The following RBMS3 variants were observed in gnomAD, a reference collection of about 807,000 sequenced individuals.
RBMS3 encodes the protein RNA-binding motif, single-stranded-interacting protein 3.
A neutral mutation model predicts 66.8 loss-of-function variants in RBMS3; 27 were observed. That is an observed-to-expected ratio of 0.40 (90% CI 0.30 to 0.56). The LOEUF (loss-of-function observed/expected upper bound fraction) is 0.56, where lower values mean the gene tolerates loss of function less well. RBMS3 is among the 20% of genes least tolerant of loss of function. RBMS3 has a pLI of 0.40. For synonymous variants in RBMS3, 188 were observed against 183.0 expected, an observed-to-expected ratio of 1.03 and a Z score of -0.22; for missense variants, 513 against 549.5, an observed-to-expected ratio of 0.93 and a Z score of 0.66.
At chr3:29,384,980 T>TATGATCTTATAACTCCTAAGTTA (rs1257019561) in intron 1 of RBMS3, among the ~76,000 whole-genome samples, 96 of 152,238 alleles carry the variant, frequency 6.3e-4, no homozygotes, top group African/African-American at 2.3e-3. Context: ...ACTCCTGAGG[T>TATGATCTTATAACTCCTAAGTTA]TAAAAAAGAA....
At chr3:29,547,167 A>G (rs1161985336) in intron 3 of RBMS3, among the ~76,000 whole-genome samples, 2 of 151,926 alleles carry the variant, frequency 1.3e-5, no homozygotes, top group Non-Finnish European at 2.9e-5. Flanking sequence ...GTCTGGCAAC[A>G]TTGTCCAGGC....
At chr3:29,635,727 A>G (rs376418536) in intron 4 of RBMS3, among the ~76,000 whole-genome samples, 2 of 151,918 alleles carry the variant, frequency 1.3e-5, no homozygotes, top group African/African-American at 4.8e-5. Context: ...ATATTGATCA[A>G]GATACACGTT....
intron 4 of RBMS3, chr3:29,698,415 A>G: frequency 1.0e-6 from 1 of 985,386 alleles, no homozygotes; most frequent in Non-Finnish European, 1.2e-6. Context: ...TAGCCAGGAT[A>G]TCACAGACAT....
intron 3 of RBMS3, among the ~76,000 whole-genome samples, chr3:29,537,833 A>G (rs1223648195): frequency 6.6e-6 from 1 of 151,470 alleles, no homozygotes; most frequent in Non-Finnish European, 1.5e-5. Flanking sequence ...AAAAAAAAAA[A>G]AAAAAAGAAA....
In RBMS3 at chr3:29,630,818, G is replaced by A. The variant is rs369821560; in HGVS notation, c.399+43613G>A. 3.3e-5 allele frequency among the ~76,000 whole-genome samples: 5 copies of A among 152,018 alleles called. No homozygotes were observed. The East Asian group carries it at 7.7e-4, about 24-fold the overall frequency. ...TGCTTTTTAGAAAATGTTTAAGTTGGTCAAACAAGTAATGATTCATTTTAG... is the reference window on the plus strand; with the variant it reads ...TGCTTTTTAGAAAATGTTTAAGTTGATCAAACAAGTAATGATTCATTTTAG... On this transcript the variant is annotated intron_variant, in intron 4 of 14. Transcript: ENST00000383767.
intron 4 of RBMS3, among the ~76,000 whole-genome samples, chr3:29,681,614 C>G (rs986530761): frequency 1.3e-5 from 2 of 151,490 alleles, no homozygotes; most frequent in Non-Finnish European, 2.9e-5. Flanking sequence ...GTTTGGTTTT[C>G]TGTTCCCGCG....
chr3:29,644,080 G>A (rs2049828460), intron 4 of RBMS3, among the ~76,000 whole-genome samples: 1 of 152,134 alleles, frequency 6.6e-6, no homozygotes, highest in Non-Finnish European at 1.5e-5. Context: ...TCACAGCTTG[G>A]TTAGTCTGAA....
chr3:29,540,318 A>T (rs2045711101), intron 3 of RBMS3, among the ~76,000 whole-genome samples: 1 of 152,174 alleles, frequency 6.6e-6, no homozygotes. Flanking sequence ...TTTTATTTTT[A>T]AAATTTGTTT....
chr3:29,573,484 T>G (rs1423561160), intron 3 of RBMS3, among the ~76,000 whole-genome samples: 1 of 152,150 alleles, frequency 6.6e-6, no homozygotes, highest in Admixed American at 6.5e-5. Flanking sequence ...TTAGTCTGGC[T>G]AAAAGTTTGC....
At chr3:29,794,628 G>C (rs533153222) in intron 6 of RBMS3, among the ~76,000 whole-genome samples, 7 of 152,004 alleles carry the variant, frequency 4.6e-5, no homozygotes, top group Non-Finnish European at 5.9e-5. Flanking sequence ...CACATGATAT[G>C]GGCCTTGAAT....
chr3:29,989,565 G>A (rs1481812088), intron 13 of RBMS3, among the ~76,000 whole-genome samples: 5 of 152,060 alleles, frequency 3.3e-5, no homozygotes, highest in South Asian at 4.2e-4. Flanking sequence ...AAACCTTTAC[G>A]GACTAAATTG....
intron 3 of RBMS3, among the ~76,000 whole-genome samples, chr3:29,550,429 G>T (rs1237612665): frequency 2.6e-5 from 4 of 152,030 alleles, no homozygotes; most frequent in Non-Finnish European, 5.9e-5. Context: ...TATATAAAAA[G>T]TATTCATTGC....
Position 29,434,815 on chromosome 3 carries a change from A to G in RBMS3, c.148A>G (p.Ser50Gly). Residue 50 changes from serine (S) to glycine (G), a missense_variant, in exon 2 of 15, where the codon AGC becomes GGC. Coordinates refer to ENST00000383767, the MANE Select transcript of RBMS3 (RefSeq NM_001003793.3). ...PSTNSSSNNS[S>G]NNSSGEQLSK... ...CACAAACAGCAGCAGCAACAACAGC[A>G]GCAACAACAGCAGCGGGGAACAGTT... 6.2e-7 allele frequency: 1 copy of G among 1,614,138 alleles called. No individual in the cohort carries two copies. Among genetic ancestry groups the G allele is most frequent in the Non-Finnish European group, 8.5e-7 (1 of 1,180,024 alleles).
chr3:29,638,235 T>A (rs2149190231), intron 4 of RBMS3, among the ~76,000 whole-genome samples: 1 of 151,524 alleles, frequency 6.6e-6, no homozygotes, highest in Middle Eastern at 3.4e-3. Flanking sequence ...TGTAGTAATT[T>A]TTTTTTTTTA....
chr3:29,586,277 G>A (rs1005205534), intron 3 of RBMS3, among the ~76,000 whole-genome samples: 6 of 152,028 alleles, frequency 3.9e-5, no homozygotes, highest in African/African-American at 1.4e-4. Flanking sequence ...CTATTAGCTA[G>A]CTTAAGGACA....
intron 1 of RBMS3, among the ~76,000 whole-genome samples, chr3:29,423,727 T>C (rs77452728): frequency 0.11 from 16,402 of 152,282 alleles, 1,205 homozygotes; most frequent in East Asian, 0.29. Flanking sequence ...GAAATGTAAC[T>C]AGCGCAACTG....
Position 29,524,645 on chromosome 3 carries a change from T to C in RBMS3, c.307+36146T>C, listed in dbSNP as rs369507811. Among the ~76,000 whole-genome samples, 9 of 151,728 alleles carry C rather than the reference T, an allele frequency of 5.9e-5. No individual in the cohort carries two copies. The South Asian group carries it at 1.7e-3, about 28-fold the overall frequency. ...TTTTAGTAGAGGCAGGGTTTCGCAATGTTGGCCAGGCTGGTCTTGAACTCC... is the reference window on the plus strand; with the variant it reads ...TTTTAGTAGAGGCAGGGTTTCGCAACGTTGGCCAGGCTGGTCTTGAACTCC... On this transcript the variant is annotated intron_variant, in intron 3 of 14. Transcript: ENST00000383767.
intron 2 of RBMS3, among the ~76,000 whole-genome samples, chr3:29,473,859 G>A (rs2042852835): frequency 6.6e-6 from 1 of 152,240 alleles, no homozygotes; most frequent in African/African-American, 2.4e-5. Flanking sequence ...GCCGCGCGCA[G>A]CCCCGGTTCC....
chr3:29,530,827 G>A (rs1023071703), intron 3 of RBMS3, among the ~76,000 whole-genome samples: 7 of 150,724 alleles, frequency 4.6e-5, no homozygotes, highest in African/African-American at 7.3e-5. Flanking sequence ...AGCTGAGATC[G>A]CGCCACTACA....
Sources: gnomAD v4.1 joint callset for allele counts (sites outside exome capture counted in the v4.1 genomes callset) on GRCh38, gnomAD v4.1.1 for gene constraint, MANE v1.5 for transcripts, NCBI Gene and HGNC (gene_info 2026-07-23, HGNC 2026-07-21) for gene names.